Variants in PCDH15 observed in about 807,000 individuals in gnomAD.
PCDH15 encodes protocadherin-15.
PCDH15 carries 129 observed loss-of-function variants against 178.5 expected under a neutral mutation model. The ratio of observed to expected loss-of-function variants is 0.72; its 90% CI spans 0.63 to 0.84. PCDH15 has a LOEUF of 0.84. PCDH15 is among the 40% of genes least tolerant of loss of function. PCDH15 has a pLI of 0.00. For missense variants in PCDH15, 2,230 were observed against 2,099.9 expected (o/e 1.06, Z -1.21); for synonymous variants, 800 against 732.0 (o/e 1.09, Z -1.50).
At chr10:55,345,141 GTC>G (rs764374706) in intron 2 of PCDH15, among the ~76,000 whole-genome samples, 181 of 150,798 alleles carry the variant, frequency 1.2e-3, no homozygotes, top group African/African-American at 3.7e-3. Flanking sequence ...GTGTGTGTGT[GTC>G]TCTCTCTCTC....
chr10:53,899,206 T>G (rs886515361), intron 26 of PCDH15, among the ~76,000 whole-genome samples: 2 of 151,940 alleles, frequency 1.3e-5, no homozygotes, highest in East Asian at 3.9e-4. Flanking sequence ...CCTATTTTTG[T>G]TGCTTCCATA....
intron 1 of PCDH15, among the ~76,000 whole-genome samples, chr10:55,255,469 G>A (rs188679692): frequency 9.9e-5 from 15 of 152,280 alleles, no homozygotes; most frequent in African/African-American, 2.6e-4. Context: ...TATATACCCC[G>A]TAATGGAACG....
intron 3 of PCDH15, among the ~76,000 whole-genome samples, chr10:54,855,322 G>A (rs998499022): frequency 2.0e-5 from 3 of 152,172 alleles, no homozygotes; most frequent in Non-Finnish European, 2.9e-5. Context: ...ACTCCTGCTT[G>A]CTCTTGGCTC....
intron 2 of PCDH15, among the ~76,000 whole-genome samples, chr10:55,048,259 C>T (rs1355673728): frequency 1.3e-5 from 2 of 151,230 alleles, no homozygotes; most frequent in Non-Finnish European, 1.5e-5. Flanking sequence ...TTATATAAGT[C>T]CAGTAAATAC....
chr10:53,945,893 TTATC>T (rs1187428332), intron 23 of PCDH15, among the ~76,000 whole-genome samples: 1 of 141,488 alleles, frequency 7.1e-6, no homozygotes, highest in Non-Finnish European at 1.5e-5. Context: ...CACATTTTCT[TTATC>T]CATTCATTCA....
intron 3 of PCDH15, among the ~76,000 whole-genome samples, chr10:54,426,841 A>G (rs1565245737): frequency 6.6e-6 from 1 of 152,050 alleles, no homozygotes. Context: ...CTACTTTTAA[A>G]TACTTTAACT....
chr10:55,242,612 C>G (rs1389214945), intron 1 of PCDH15, among the ~76,000 whole-genome samples: 3 of 152,014 alleles, frequency 2.0e-5, no homozygotes, highest in Non-Finnish European at 4.4e-5. Context: ...AGGAGGCTGA[C>G]AGGCAGATCG....
At chr10:54,462,422 TG>T (rs2077222471) in intron 3 of PCDH15, among the ~76,000 whole-genome samples, 1 of 151,766 alleles carries the variant, frequency 6.6e-6, no homozygotes, top group Non-Finnish European at 1.5e-5. Flanking sequence ...ACAAGTCATT[TG>T]GAAAATTCCT....
rs116631595 is a variant in PCDH15 at position 53,906,130 on chromosome 10, G to A, written c.3374-2760C>T. On this transcript the variant is annotated intron_variant, in intron 25 of 37. Transcript: ENST00000644397. ...TATAGCTAATTATGTAGGATAGTTT[G>A]TAATAGTCAACTAAAAATAAATATA... Among the ~76,000 whole-genome samples the A allele has an allele frequency of 2.2e-3, 335 of 152,094 alleles. 2 individuals are homozygous for A. Among genetic ancestry groups the A allele is most frequent in the African/African-American group, 7.3e-3 (305 of 41,518 alleles).
At chr10:54,652,802 A>C (rs756707419) in intron 2 of PCDH15, among the ~76,000 whole-genome samples, 2 of 152,040 alleles carry the variant, frequency 1.3e-5, no homozygotes, top group Non-Finnish European at 2.9e-5. Context: ...GAAGTGCTTA[A>C]ATTTCTGTTG....
At chr10:53,893,498 C>T (rs777258506) in intron 26 of PCDH15, among the ~76,000 whole-genome samples, 32 of 152,232 alleles carry the variant, frequency 2.1e-4, no homozygotes, top group African/African-American at 6.7e-4. Context: ...CTTGCACACA[C>T]GTTTATAGCA....
intron 37 of PCDH15, chr10:53,809,187 A>G (rs760046709): frequency 1.9e-6 from 3 of 1,613,894 alleles, no homozygotes; most frequent in Admixed American, 1.7e-5. Context: ...CCTCTTCTGT[A>G]GTCTCAGACT....
chr10:55,222,853 T>C (rs1840925931), intron 1 of PCDH15, among the ~76,000 whole-genome samples: 3 of 151,436 alleles, frequency 2.0e-5, no homozygotes, highest in African/African-American at 7.3e-5. Context: ...AATTTGGGCA[T>C]CTTGAATTGA....
intron 2 of PCDH15, among the ~76,000 whole-genome samples, chr10:55,572,084 T>G (rs1010866368): frequency 1.3e-5 from 2 of 152,138 alleles, no homozygotes; most frequent in Admixed American, 1.3e-4. Flanking sequence ...TACTTGGCTC[T>G]GTGCTCTCTT....
intron 2 of PCDH15, chr10:55,575,523 A>G (rs183311531): frequency 1.3e-5 from 2 of 152,300 alleles, no homozygotes. Context: ...TTTTAGAGAA[A>G]ACTTATGTCC....
At chr10:55,351,429 CTG>C (rs1176127046) in intron 2 of PCDH15, among the ~76,000 whole-genome samples, 1 of 152,050 alleles carries the variant, frequency 6.6e-6, no homozygotes, top group Non-Finnish European at 1.5e-5. Flanking sequence ...GGGACATAAT[CTG>C]TGTTTTATGC....
At chr10:55,231,340 C>G (rs890603971) in intron 1 of PCDH15, among the ~76,000 whole-genome samples, 1 of 151,914 alleles carries the variant, frequency 6.6e-6, no homozygotes, top group African/African-American at 2.4e-5. Context: ...CAGGTACTTA[C>G]AAAGAGTCTT....
At chr10:54,397,166 C>T (rs1951336663) in intron 3 of PCDH15, among the ~76,000 whole-genome samples, 1 of 151,980 alleles carries the variant, frequency 6.6e-6, no homozygotes, top group South Asian at 2.1e-4. Context: ...AGAAAATTTT[C>T]CATTGTAAAT....
At chr10:54,577,249 ATTTTTTTTTT>A (rs10699732) in intron 2 of PCDH15, among the ~76,000 whole-genome samples, 1 of 141,696 alleles carries the variant, frequency 7.1e-6, no homozygotes, top group Non-Finnish European at 1.5e-5. Flanking sequence ...CGCCCAGCTA[ATTTTTTTTTT>A]TTTTTGTAAT....
Sources: allele counts gnomAD v4.1 joint callset (sites outside exome capture counted in the v4.1 genomes callset), GRCh38; gene constraint gnomAD v4.1.1; transcripts MANE v1.5; gene names NCBI Gene and HGNC (gene_info 2026-07-23, HGNC 2026-07-21).